The following USP49 variants were observed in gnomAD, a reference collection of about 807,000 sequenced individuals.
USP49 encodes the protein ubiquitin carboxyl-terminal hydrolase 49.
In USP49, 24 loss-of-function variants were observed where a neutral mutation model predicts 58.6. The ratio of observed to expected loss-of-function variants is 0.41; its 90% CI spans 0.30 to 0.58. The LOEUF is 0.58. Among genes scored for constraint, USP49 ranks in the 20% least tolerant of loss-of-function variants. The pLI is 0.30. For missense variants in USP49, 703 were observed against 866.1 expected (o/e 0.81, Z 2.36); for synonymous variants, 408 against 365.1 (o/e 1.12, Z -1.34).
intron 3 of USP49, among the ~76,000 whole-genome samples, chr6:41,857,690 A>G (rs934554901): frequency 6.6e-6 from 1 of 152,186 alleles, no homozygotes; most frequent in Admixed American, 6.5e-5. Flanking sequence ...TTGGTATTCT[A>G]ATACCTTCTT....
intron 1 of USP49, among the ~76,000 whole-genome samples, chr6:41,893,231 G>T (rs1774838438): frequency 6.6e-6 from 1 of 152,064 alleles, no homozygotes; most frequent in Non-Finnish European, 1.5e-5. Flanking sequence ...CTTTCTTTAT[G>T]CCATTTTGTT....
At position 41,886,944 on chromosome 6, in the gene USP49, A is replaced by T. The variant is rs140675873; in HGVS notation, c.-103+4850T>A. On this transcript the variant is annotated intron_variant, in intron 2 of 7. Coordinates refer to ENST00000682992, the MANE Select transcript of USP49 (RefSeq NM_001286554.2). Reference sequence around the variant, plus strand: ...TAAACCCCTATCTACTCTTCCTTTCATTTTCAACTACAATGTATATCTACA... The same window carrying T: ...TAAACCCCTATCTACTCTTCCTTTCTTTTTCAACTACAATGTATATCTACA... Among the ~76,000 whole-genome samples the T allele has an allele frequency of 1.8e-3, 273 of 152,254 alleles. 1 individual carries two copies. Among genetic ancestry groups the T allele is most frequent in the Non-Finnish European group, 3.1e-3 (211 of 68,018 alleles).
chr6:41,865,488 G>A (rs887433634), intron 3 of USP49, among the ~76,000 whole-genome samples: 2 of 152,054 alleles, frequency 1.3e-5, no homozygotes, highest in East Asian at 3.9e-4. Flanking sequence ...TAAACCATGT[G>A]GTGCCTTTGT....
Position 41,827,169 on chromosome 6 carries a change from A to G in USP49, c.-28-20158T>C, listed in dbSNP as rs890579083. Among the ~76,000 whole-genome samples, 12 of 152,218 alleles carry G rather than the reference A, an allele frequency of 7.9e-5. No homozygotes were observed. In the South Asian group the frequency reaches 1.9e-3, roughly 24 times the overall value. On this transcript the variant is annotated intron_variant, in intron 3 of 7. Transcript: ENST00000682992. ...TCTTCACTCCAATGATGTTGATCAT[A>G]TAAGTCAGTTCCCAAGAAACTGGGC... is the stretch of plus-strand genomic sequence containing the variant.
At chr6:41,885,950 C>A (rs1373008447) in intron 2 of USP49, among the ~76,000 whole-genome samples, 1 of 152,192 alleles carries the variant, frequency 6.6e-6, no homozygotes, top group Admixed American at 6.5e-5. Flanking sequence ...AGCACACTTA[C>A]CTTTCACTTG....
chr6:41,846,402 A>G (rs1773924116), intron 3 of USP49, among the ~76,000 whole-genome samples: 1 of 152,196 alleles, frequency 6.6e-6, no homozygotes, highest in Non-Finnish European at 1.5e-5. Context: ...TCCTTCCCCA[A>G]CAGAGACACA....
intron 2 of USP49, among the ~76,000 whole-genome samples, chr6:41,877,565 ATT>A (rs34374721): frequency 0.091 from 12,579 of 138,330 alleles, 787 homozygotes; most frequent in African/African-American, 0.18. Flanking sequence ...ATGGGATCCC[ATT>A]TTTTTTTTTT....
intron 1 of USP49, among the ~76,000 whole-genome samples, chr6:41,892,351 C>T (rs1774823858): frequency 6.6e-6 from 1 of 152,204 alleles, no homozygotes; most frequent in Admixed American, 6.5e-5. Context: ...CCAGCCCAAA[C>T]ACATCTATAA....
rs1426748649 is a variant in USP49, at chr6:41,792,034, A to G, written c.*4499T>C. 3.3e-5 allele frequency: 5 copies of G among 152,214 alleles called. No homozygotes were observed. Among genetic ancestry groups the G allele is most frequent in the Middle Eastern group, 3.2e-3 (1 of 316 alleles). The allele number at this position is 152,214 out of a possible 1,614,324, so 9.4% of individuals were successfully genotyped here. ...TTTGAGTGGGAAACTTTTAAACACC[A>G]TATGTTGAAGTTTCATGAGCTCAGT... On this transcript the variant is annotated 3_prime_UTR_variant, in exon 8 of 8. Transcript: ENST00000682992.
At position 41,854,000 on chromosome 6, in the gene USP49, GA is replaced by G. The variant is rs1314186814; in HGVS notation, c.-29+17563del. ...GGCAACAACAGCGAGACTCTGTCTC[GA>G]AAAAAAAAAAAAAAAAAAAAAAGAA... On this transcript the variant is annotated intron_variant, in intron 3 of 7. Transcript: ENST00000682992. Among the ~76,000 whole-genome samples, 26 of 113,182 alleles carry G rather than the reference GA, an allele frequency of 2.3e-4. No homozygotes were observed. The East Asian group carries it at 2.5e-3, about 11-fold the overall frequency. The allele number at this position is 113,182 out of a possible 152,430, so 74.3% of individuals were successfully genotyped here.
At chr6:41,884,038 T>G (rs2127364433) in intron 2 of USP49, among the ~76,000 whole-genome samples, 1 of 152,268 alleles carries the variant, frequency 6.6e-6, no homozygotes, top group Middle Eastern at 3.4e-3. Flanking sequence ...TTTTGTTTTT[T>G]TTTTAGATGG....
At chr6:41,817,131 C>A (rs1014516884) in intron 3 of USP49, among the ~76,000 whole-genome samples, 2 of 146,022 alleles carry the variant, frequency 1.4e-5, no homozygotes, top group Non-Finnish European at 3.0e-5. Flanking sequence ...CATGCCACCA[C>A]GCCTGGCTCC....
At position 41,837,401 on chromosome 6, in the gene USP49, A is replaced by T. The variant is rs138048805; in HGVS notation, c.-28-30390T>A. Reference sequence around the variant, plus strand: ...ATGGCACCGGAATAACTGGCAAGCCATATGCAGAAGATTGAAGCTGGACTT... The same window carrying T: ...ATGGCACCGGAATAACTGGCAAGCCTTATGCAGAAGATTGAAGCTGGACTT... On this transcript the variant is annotated intron_variant, in intron 3 of 7. Transcript: ENST00000682992. 2.6e-5 allele frequency among the ~76,000 whole-genome samples: 4 copies of T among 152,368 alleles called. No individual in the cohort carries two copies. The East Asian group carries it at 7.7e-4, about 29-fold the overall frequency.
At chr6:41,869,308 G>A (rs1313716430) in intron 3 of USP49, among the ~76,000 whole-genome samples, 3 of 152,058 alleles carry the variant, frequency 2.0e-5, no homozygotes, top group African/African-American at 7.2e-5. Context: ...TCAGACAGGT[G>A]GATCACTTGA....
intron 5 of USP49, among the ~76,000 whole-genome samples, chr6:41,801,194 C>T (rs1772990725): frequency 6.6e-6 from 1 of 152,210 alleles, no homozygotes; most frequent in South Asian, 2.1e-4. Flanking sequence ...TTACTGATGA[C>T]TGTTTTGTTA....
At chr6:41,853,342 C>T (rs988205225) in intron 3 of USP49, among the ~76,000 whole-genome samples, 1 of 152,022 alleles carries the variant, frequency 6.6e-6, no homozygotes, top group Non-Finnish European at 1.5e-5. Context: ...TTCATAGAGA[C>T]AAAGTAGAAT....
At chr6:41,862,813 G>A (rs915425007) in intron 3 of USP49, among the ~76,000 whole-genome samples, 4 of 152,020 alleles carry the variant, frequency 2.6e-5, no homozygotes, top group Non-Finnish European at 5.9e-5. Context: ...TCACTCTGTC[G>A]CCCAGACTGG....
chr6:41,864,864 A>G (rs1319198550), intron 3 of USP49, among the ~76,000 whole-genome samples: 1 of 152,122 alleles, frequency 6.6e-6, no homozygotes, highest in Non-Finnish European at 1.5e-5. Flanking sequence ...AAGTGACTCA[A>G]TCTAATGAGC....
intron 3 of USP49, among the ~76,000 whole-genome samples, chr6:41,863,308 A>G (rs1265531202): frequency 6.6e-6 from 1 of 152,188 alleles, no homozygotes; most frequent in Non-Finnish European, 1.5e-5. Flanking sequence ...CTCATTTAAG[A>G]GTATGAATTC....
Sources: allele counts gnomAD v4.1 joint callset (sites outside exome capture counted in the v4.1 genomes callset), GRCh38; gene constraint gnomAD v4.1.1; transcripts MANE v1.5; gene names NCBI Gene and HGNC (gene_info 2026-07-23, HGNC 2026-07-21).